Variants in MAF observed in about 807,000 individuals in gnomAD.
MAF encodes the protein transcription factor Maf.
MAF carries 10 observed loss-of-function variants against 22.0 expected under a neutral mutation model. The ratio of observed to expected loss-of-function variants is 0.45; its 90% CI spans 0.28 to 0.77. The LOEUF is 0.77. Among genes scored for constraint, MAF ranks in the 30% least tolerant of loss-of-function variants. MAF has a pLI of 0.12. For synonymous variants in MAF, 337 were observed against 255.8 expected, an observed-to-expected ratio of 1.32 and a Z score of -3.03; for missense variants, 544 against 548.4, an observed-to-expected ratio of 0.99 and a Z score of 0.08.
chr16:79,582,272 T>G (rs546915218), downstream of MAF, among the ~76,000 whole-genome samples: 37 of 152,342 alleles, frequency 2.4e-4, no homozygotes, highest in Non-Finnish European at 4.6e-4. Flanking sequence ...TTGGCATCTG[T>G]GAACGGCGGC....
At chr16:79,210,610 T>G in the MAF span, among the ~76,000 whole-genome samples, 1 of 152,334 alleles carries the variant, frequency 6.6e-6, no homozygotes, top group African/African-American at 2.4e-5. Context: ...CAGCTAGGGC[T>G]CTGAAACACA....
At chr16:79,235,166 T>A in the MAF span, among the ~76,000 whole-genome samples, 1 of 152,130 alleles carries the variant, frequency 6.6e-6, no homozygotes, top group Admixed American at 6.6e-5. Flanking sequence ...AAGTGGCATA[T>A]CCAGAATTTA....
the MAF span, among the ~76,000 whole-genome samples, chr16:79,341,962 ACTG>A: frequency 2.0e-5 from 3 of 152,354 alleles, no homozygotes; most frequent in East Asian, 5.8e-4. Context: ...AACCACTGCT[ACTG>A]CTGCTGCTAC....
chr16:79,385,191 G>A, the MAF span, among the ~76,000 whole-genome samples: 2 of 152,156 alleles, frequency 1.3e-5, no homozygotes, highest in African/African-American at 4.8e-5. Flanking sequence ...TCATAAAAAG[G>A]ATAATAAGAT....
At chr16:79,510,064 C>G in the MAF span, among the ~76,000 whole-genome samples, 15 of 152,186 alleles carry the variant, frequency 9.9e-5, no homozygotes, top group African/African-American at 3.6e-4. Flanking sequence ...TTGTAAGAAA[C>G]TCTGCCATTT....
At chr16:79,264,156 A>G in the MAF span, among the ~76,000 whole-genome samples, 11 of 152,318 alleles carry the variant, frequency 7.2e-5, no homozygotes, top group African/African-American at 2.6e-4. Flanking sequence ...GTGAGATCAT[A>G]TTGTAGGATC....
chr16:79,292,633 G>A, the MAF span, among the ~76,000 whole-genome samples: 1 of 152,142 alleles, frequency 6.6e-6, no homozygotes, highest in Non-Finnish European at 1.5e-5. Flanking sequence ...TGGTCACAAT[G>A]AGGTTGAGAC....
downstream of MAF, among the ~76,000 whole-genome samples, chr16:79,590,308 G>T (rs1302986538): frequency 1.3e-5 from 2 of 152,134 alleles, no homozygotes; most frequent in African/African-American, 4.8e-5. Flanking sequence ...TTCATTCCAG[G>T]CTTCAAGACC....
chr16:79,387,376 T>C, the MAF span, among the ~76,000 whole-genome samples: 2 of 152,194 alleles, frequency 1.3e-5, no homozygotes, highest in African/African-American at 2.4e-5. Flanking sequence ...ATATCCTTAC[T>C]AGCTAGATGG....
rs1053002252 is a variant in MAF, at chr16:79,597,257, G to A, written c.1118+1528C>T. 9.5e-6 allele frequency: 10 copies of A among 1,047,426 alleles called. No homozygotes were observed. The African/African-American group carries it at 1.5e-4, about 16-fold the overall frequency. The allele number at this position is 1,047,426 out of a possible 1,614,324, so 64.9% of individuals were successfully genotyped here. On this transcript the variant is annotated intron_variant, in intron 1 of 1. Transcript: ENST00000326043. ...ATTTATCTATAACATTCCTTTATCT[G>A]TAGCATACATTTTAACTGGGCTAAC...
At chr16:79,587,124 C>T (rs528609967) in intron 1 of MAF, among the ~76,000 whole-genome samples, 2 of 152,160 alleles carry the variant, frequency 1.3e-5, no homozygotes, top group Non-Finnish European at 2.9e-5. Flanking sequence ...AGACTATGCC[C>T]ACAGCACTCG....
At chr16:79,587,034 G>GAACAT (rs954891904) in intron 1 of MAF, among the ~76,000 whole-genome samples, 1 of 152,198 alleles carries the variant, frequency 6.6e-6, no homozygotes, top group African/African-American at 2.4e-5. Context: ...TGCTGTAACA[G>GAACAT]AACATATAAT....
the MAF span, among the ~76,000 whole-genome samples, chr16:79,278,826 C>G: frequency 2.0e-5 from 3 of 152,108 alleles, no homozygotes; most frequent in African/African-American, 7.2e-5. Flanking sequence ...AGTGTCTGCC[C>G]CTTCTGCTGA....
At chr16:79,342,589 C>A in the MAF span, among the ~76,000 whole-genome samples, 3 of 152,062 alleles carry the variant, frequency 2.0e-5, no homozygotes, top group African/African-American at 7.2e-5. Flanking sequence ...TCACTGTCAC[C>A]ATCACCATCA....
intron 1 of MAF, among the ~76,000 whole-genome samples, chr16:79,586,595 T>G (rs1485584528): frequency 6.6e-6 from 1 of 152,238 alleles, no homozygotes; most frequent in Non-Finnish European, 1.5e-5. Context: ...AAGAAAATCT[T>G]TTTGCTTCAC....
At chr16:79,474,435 A>T in the MAF span, among the ~76,000 whole-genome samples, 4 of 152,304 alleles carry the variant, frequency 2.6e-5, no homozygotes, top group African/African-American at 9.6e-5. Flanking sequence ...CTGGCTGGGC[A>T]GACAGACAAG....
the MAF span, chr16:79,264,710 CACA>C: frequency 6.6e-6 from 1 of 152,194 alleles, no homozygotes; most frequent in Non-Finnish European, 1.5e-5. Flanking sequence ...TGCTCCAAGC[CACA>C]ACCAGCACAT....
chr16:79,210,524 G>C, the MAF span, among the ~76,000 whole-genome samples: 1 of 152,074 alleles, frequency 6.6e-6, no homozygotes, highest in African/African-American at 2.4e-5. Context: ...TTGTGGGGGC[G>C]AGCTTATCTT....
chr16:79,208,125 A>C, the MAF span, among the ~76,000 whole-genome samples: 1 of 152,214 alleles, frequency 6.6e-6, no homozygotes, highest in Non-Finnish European at 1.5e-5. Flanking sequence ...AATCCCAAAC[A>C]AGAGTCCTGG....
Sources: allele counts gnomAD v4.1 joint callset (sites outside exome capture counted in the v4.1 genomes callset), GRCh38; gene constraint gnomAD v4.1.1; transcripts MANE v1.5; gene names NCBI Gene and HGNC (gene_info 2026-07-23, HGNC 2026-07-21).